WDR36: variants seen among roughly 807,000 people sequenced by gnomAD.
WDR36 encodes the protein WD repeat-containing protein 36.
In WDR36, 63 loss-of-function variants were observed where a neutral mutation model predicts 112.7. That is an observed-to-expected ratio of 0.56 (90% CI 0.46 to 0.69). The LOEUF is 0.69. Ranked by LOEUF, WDR36 falls within the 30% of genes least tolerant of loss-of-function variation. WDR36 has a pLI of 0.00. For missense variants in WDR36, 1,226 were observed against 1,070.3 expected, an observed-to-expected ratio of 1.15 and a Z score of -2.03; for synonymous variants, 410 against 362.2, an observed-to-expected ratio of 1.13 and a Z score of -1.50.
intron 17 of WDR36, 67 bp from the exon 18 acceptor site, chr5:111,120,429 G>A (rs1753541636): frequency 8.2e-7 from 1 of 1,224,386 alleles, no homozygotes; most frequent in African/African-American, 1.5e-5. Flanking sequence ...ATTCAAGATT[G>A]TAGAGTGTTT....
In WDR36 at chr5:111,123,883, C is replaced by A. The variant is rs565593961; in HGVS notation, c.2227C>A (p.Pro743Thr). 1 of 1,613,830 alleles carries A rather than the reference C, an allele frequency of 6.2e-7. No individual in the cohort carries two copies. The highest frequency in any genetic ancestry group is 8.5e-7 in the Non-Finnish European group (1 of 1,179,904). The change falls in exon 20 of 23, where the codon CCC becomes ACC. Residue 743 changes from proline (P) to threonine (T), a missense_variant. Coordinates refer to ENST00000513710, the MANE Select transcript of WDR36 (RefSeq NM_139281.3). Reference protein sequence around the residue: ...FFIPTIPGLVPRYAAPEQNND... With the variant: ...FFIPTIPGLVTRYAAPEQNND... Reference sequence around the variant, plus strand: ...CATTCCAACAATTCCTGGCCTTGTACCCAGATATGCTGCACCTGAACAAAA... The same window carrying A: ...CATTCCAACAATTCCTGGCCTTGTAACCAGATATGCTGCACCTGAACAAAA...
In WDR36 at chr5:111,100,425, A is replaced by T. The variant is rs1262561856; in HGVS notation, c.410-164A>T. Among the ~76,000 whole-genome samples the T allele has an allele frequency of 2.8e-4, 43 of 151,870 alleles. 1 individual carries two copies. ...TACATTTACAAGTTGCCTCTCATTT[A>T]TTTTATTTCTCAAGGAATGTTTATA... On this transcript the variant is annotated intron_variant, in intron 4 of 22. Coordinates refer to ENST00000513710, the MANE Select transcript of WDR36 (RefSeq NM_139281.3).
intron 12 of WDR36, among the ~76,000 whole-genome samples, chr5:111,109,142 G>A (rs1322052814): frequency 1.3e-5 from 2 of 151,246 alleles, no homozygotes; most frequent in East Asian, 3.9e-4. Context: ...AAAATGTAAA[G>A]CAGGACAATG....
rs1427228180 is a variant in WDR36 at position 111,111,288 on chromosome 5, A to G, written c.1716+10A>G. 1 of 1,600,774 alleles carries G rather than the reference A, an allele frequency of 6.2e-7. No individual in the cohort carries two copies. The highest frequency in any genetic ancestry group is 8.6e-7 in the Non-Finnish European group (1 of 1,168,590). ...CCAAATAAATGACATGGTAAAACAA[A>G]CTCTAACTAATAAAACTTGACTCAT... On this transcript the variant is annotated intron_variant, in intron 15 of 22. Coordinates refer to ENST00000513710, the MANE Select transcript of WDR36 (RefSeq NM_139281.3).
At chr5:111,122,741 C>T (rs1232010107) in intron 19 of WDR36, among the ~76,000 whole-genome samples, 1 of 152,164 alleles carries the variant, frequency 6.6e-6, no homozygotes, top group Admixed American at 6.6e-5. Context: ...GGCATAGCTC[C>T]TAAAGAATGG....
At chr5:111,105,387 C>G (rs982893047) in intron 10 of WDR36, 27 bp downstream of exon 10, 1 of 1,590,264 alleles carries the variant, frequency 6.3e-7, no homozygotes, top group Non-Finnish European at 8.6e-7. Flanking sequence ...ACAAAATAAG[C>G]TGGTCACGAA....
chr5:111,110,155 T>G, intron 12 of WDR36, 34 bp from the exon 13 acceptor site: 1 of 1,450,020 alleles, frequency 6.9e-7, no homozygotes, highest in Non-Finnish European at 9.7e-7. Flanking sequence ...AAAATGTTAG[T>G]TATTTTGTCA....
intron 2 of WDR36, among the ~76,000 whole-genome samples, chr5:111,096,182 A>G (rs1360192519): frequency 1.3e-5 from 2 of 152,214 alleles, no homozygotes; most frequent in African/African-American, 2.4e-5. Flanking sequence ...TGTGACCAGG[A>G]TACTGAGAGA....
intron 4 of WDR36, among the ~76,000 whole-genome samples, chr5:111,099,451 G>GTTTTTTTTTTTTTTTTTTTTTTTTT (rs796092518): frequency 1.8e-5 from 1 of 55,638 alleles, no homozygotes; most frequent in African/African-American, 5.8e-5. Flanking sequence ...GTTTTTTTTT[G>GTTTTTTTTTTTTTTTTTTTTTTTTT]TTTTTTTTTT....
intron 16 of WDR36, among the ~76,000 whole-genome samples, chr5:111,115,527 T>C (rs566210621): frequency 4.6e-5 from 7 of 152,292 alleles, no homozygotes; most frequent in African/African-American, 9.6e-5. Flanking sequence ...TTAACACTTA[T>C]GTTATCATCT....
intron 4 of WDR36, among the ~76,000 whole-genome samples, chr5:111,100,030 A>G (rs1301130018): frequency 3.3e-5 from 5 of 151,792 alleles, no homozygotes; most frequent in Non-Finnish European, 5.9e-5. Flanking sequence ...ACCACTGGTG[A>G]TGCCACCCCC....
At chr5:111,109,250 A>G (rs1257859360) in intron 12 of WDR36, among the ~76,000 whole-genome samples, 2 of 151,430 alleles carry the variant, frequency 1.3e-5, no homozygotes, top group African/African-American at 4.8e-5. Context: ...GAATTTTTCA[A>G]AATAGGTCAG....
chr5:111,124,307 T>G, intron 21 of WDR36, 118 bp downstream of exon 21: 2 of 904,600 alleles, frequency 2.2e-6, no homozygotes, highest in East Asian at 5.5e-5. Context: ...ATCAAAAAGA[T>G]TGAAATTTTG....
Position 111,119,052 on chromosome 5 carries a change from T to A in WDR36, c.1836T>A (p.Asn612Lys), listed in dbSNP as rs1753514182. The change falls in exon 17 of 23, where the codon AAT (asparagine) becomes AAA (lysine). Residue 612 changes from asparagine to lysine, a missense_variant. Physicochemically the swap from Asn to Lys is moderately conservative, Grantham distance 94. Coordinates refer to ENST00000513710, the MANE Select transcript of WDR36 (RefSeq NM_139281.3). ...TTTTGTTGGACTCGGCTCCTCTCAA[T>A]GTTTCTATGTCTCCTACTGGAGACT... ...DCFLLDSAPL[N>K]VSMSPTGDFL... is the part of the protein sequence containing the mutation. 6.2e-7 allele frequency: 1 copy of A among 1,613,558 alleles called. No homozygotes were observed. Among genetic ancestry groups the A allele is most frequent in the South Asian group, 1.1e-5 (1 of 91,084 alleles).
Position 111,092,373 on chromosome 5 carries a change from A to T in WDR36, c.-84A>T. On this transcript the variant is annotated 5_prime_UTR_variant, in exon 1 of 23. Transcript: ENST00000513710. ...GTTGTGTCTGCAGCTCTGGCAGAGG[A>T]CTGTTCCACTAGACACGCTGAAGGG... 2 of 1,614,180 alleles carry T rather than the reference A, an allele frequency of 1.2e-6. No individual in the cohort carries two copies. Among genetic ancestry groups the T allele is most frequent in the Non-Finnish European group, 1.7e-6 (2 of 1,180,030 alleles).
At chr5:111,103,669 T>C in intron 6 of WDR36, 117 bp from the exon 7 acceptor site, 2 of 1,333,742 alleles carry the variant, frequency 1.5e-6, no homozygotes, top group Non-Finnish European at 2.1e-6. Flanking sequence ...TTTTCTGCCA[T>C]CTTTTAGAAG....
At chr5:111,120,141 C>T (rs1753535982) in intron 17 of WDR36, among the ~76,000 whole-genome samples, 1 of 152,086 alleles carries the variant, frequency 6.6e-6, no homozygotes, top group Non-Finnish European at 1.5e-5. Flanking sequence ...AGCATATTCG[C>T]ACTCTGACTT....
chr5:111,104,110 G>T (rs1753173878), intron 7 of WDR36, 67 bp from the exon 8 acceptor site: 5 of 1,479,088 alleles, frequency 3.4e-6, no homozygotes, highest in Non-Finnish European at 4.6e-6. Context: ...AGGGAAGAGA[G>T]AAGAATTCTT....
intron 11 of WDR36, among the ~76,000 whole-genome samples, chr5:111,106,381 G>T (rs1753222494): frequency 6.6e-6 from 1 of 151,282 alleles, no homozygotes; most frequent in African/African-American, 2.4e-5. Flanking sequence ...AATAATATTT[G>T]ATTTTATAGC....
Sources: allele counts gnomAD v4.1 joint callset (sites outside exome capture counted in the v4.1 genomes callset), GRCh38; gene constraint gnomAD v4.1.1; transcripts MANE v1.5; gene names NCBI Gene and HGNC (gene_info 2026-07-23, HGNC 2026-07-21).